Variants in IFT140 observed in about 807,000 individuals in gnomAD.
The protein encoded by IFT140 is intraflagellar transport protein 140 homolog.
A neutral mutation model predicts 164.6 loss-of-function variants in IFT140; 133 were observed. The observed-to-expected ratio is 0.81, with a 90% CI of 0.70 to 0.93. The LOEUF (loss-of-function observed/expected upper bound fraction) is 0.93, where lower values mean the gene tolerates loss of function less well. IFT140 is among the 40% of genes least tolerant of loss of function. The probability of loss-of-function intolerance (pLI) is 0.00; values close to 1 mark genes in which losing one functional copy is unlikely to be tolerated. For missense variants in IFT140, 2,045 were observed against 1,972.3 expected (o/e 1.04, Z -0.70); for synonymous variants, 860 against 817.3 (o/e 1.05, Z -0.89).
At chr16:1,548,054 C>T (rs1478288353) in intron 19 of IFT140, among the ~76,000 whole-genome samples, 1 of 152,210 alleles carries the variant, frequency 6.6e-6, no homozygotes, top group East Asian at 1.9e-4. Context: ...TCTTCTTTCC[C>T]TTCCAACTTT....
chr16:1,534,588 G>T, intron 19 of IFT140: 1 of 1,598,612 alleles, frequency 6.3e-7, no homozygotes, highest in Non-Finnish European at 8.5e-7. Context: ...TGCCTTCAGC[G>T]TGGCCGAGGC....
At chr16:1,586,491 T>C (rs1030891899) in intron 9 of IFT140, among the ~76,000 whole-genome samples, 1 of 152,104 alleles carries the variant, frequency 6.6e-6, no homozygotes, top group South Asian at 2.1e-4. Context: ...CTCTCCCAGC[T>C]TTCCTAGAGG....
intron 19 of IFT140, among the ~76,000 whole-genome samples, chr16:1,544,760 T>C (rs2032006132): frequency 6.6e-6 from 1 of 152,000 alleles, no homozygotes; most frequent in Admixed American, 6.5e-5. Flanking sequence ...GCCATTCTCC[T>C]GCCTCAGCCT....
At chr16:1,566,732 C>A (rs1335052185) in intron 15 of IFT140, among the ~76,000 whole-genome samples, 1 of 152,152 alleles carries the variant, frequency 6.6e-6, no homozygotes, top group Non-Finnish European at 1.5e-5. Flanking sequence ...TGTTCTCCCC[C>A]ATGGCACCTC....
chr16:1,527,347 C>T (rs1192718364), intron 19 of IFT140, among the ~76,000 whole-genome samples: 1 of 152,156 alleles, frequency 6.6e-6, no homozygotes, highest in African/African-American at 2.4e-5. Context: ...GTGACCCAGC[C>T]CACGCAGGGT....
chr16:1,554,823 G>A, intron 19 of IFT140: 1 of 1,614,158 alleles, frequency 6.2e-7, no homozygotes, highest in South Asian at 1.1e-5. Flanking sequence ...CTACAGAATT[G>A]GCCCATACAC....
chr16:1,526,415 A>C (rs2040698265), intron 20 of IFT140: 1 of 615,264 alleles, frequency 1.6e-6, no homozygotes, highest in Non-Finnish European at 2.8e-6. Context: ...ACAGGCACAC[A>C]CCCTGGAGAG....
chr16:1,556,149 G>T (rs189999328), intron 19 of IFT140, among the ~76,000 whole-genome samples: 11 of 152,306 alleles, frequency 7.2e-5, no homozygotes, highest in East Asian at 3.9e-4. Flanking sequence ...TATCTTTAGC[G>T]AAATGCTTGG....
chr16:1,583,696 CA>C (rs1416149280), intron 11 of IFT140, among the ~76,000 whole-genome samples: 37 of 150,370 alleles, frequency 2.5e-4, no homozygotes, highest in South Asian at 1.7e-3. Context: ...GTTTAACTGA[CA>C]TTTTTTTTAA....
At chr16:1,524,081 C>T (rs1209401483) in intron 24 of IFT140, 125 bp from the exon 25 acceptor site, 13 of 1,250,246 alleles carry the variant, frequency 1.0e-5, no homozygotes, top group South Asian at 1.5e-5. Context: ...GCGATCTCTG[C>T]GGTGATGGGT....
intron 19 of IFT140, among the ~76,000 whole-genome samples, chr16:1,557,227 G>A (rs2033144609): frequency 6.6e-6 from 1 of 152,342 alleles, no homozygotes; most frequent in Middle Eastern, 3.4e-3. Context: ...AGCCTGTCCG[G>A]TGCATGTGCA....
In IFT140 at chr16:1,530,133, C is replaced by CTTTTTTTTTTTTTT. The variant is rs922819138; in HGVS notation, c.2400-3351_2400-3338dup. Among the ~76,000 whole-genome samples, 48 of 88,588 alleles carry CTTTTTTTTTTTTTT rather than the reference C, an allele frequency of 5.4e-4. 5 individuals carry two copies. The highest frequency in any genetic ancestry group is 2.2e-3 in the African/African-American group (41 of 18,456). 58.1% of individuals were successfully genotyped at this position (88,588 alleles called of 152,430 possible). On this transcript the variant is annotated intron_variant, in intron 19 of 30. Transcript: ENST00000426508. ...TCCCAAAAGACTTCACGACGGGAATCTTTTTTTTTTTTTTTTTTTTTTTTG... is the reference window on the plus strand; with the variant it reads ...TCCCAAAAGACTTCACGACGGGAATCTTTTTTTTTTTTTTTTTTTTTTTTTTTTTTTTTTTTTTG...
chr16:1,592,831 C>G (rs1468360058), intron 4 of IFT140, among the ~76,000 whole-genome samples: 2 of 148,392 alleles, frequency 1.3e-5, no homozygotes, highest in Non-Finnish European at 3.0e-5. Flanking sequence ...TGAAGGCTGG[C>G]AAGGTACCCT....
At chr16:1,602,218 G>T in intron 4 of IFT140, 152 bp downstream of exon 4, 1 of 721,214 alleles carries the variant, frequency 1.4e-6, no homozygotes, top group Non-Finnish European at 2.3e-6. Flanking sequence ...TTCAAGCCTT[G>T]CTTCCAATAT....
intron 10 of IFT140, among the ~76,000 whole-genome samples, chr16:1,585,085 TAAGA>T (rs2034797235): frequency 1.3e-5 from 2 of 152,208 alleles, no homozygotes; most frequent in Admixed American, 6.5e-5. Flanking sequence ...AGAGAAATCA[TAAGA>T]AAGAACCAAA....
chr16:1,572,177 GGCCACAGGGGCGTTCCT>G (rs1349876042), intron 13 of IFT140, among the ~76,000 whole-genome samples: 4 of 152,224 alleles, frequency 2.6e-5, no homozygotes, highest in African/African-American at 9.6e-5. Context: ...GGTGGGCAGA[GGCCACAGGGGCGTTCCT>G]GCAGGCTGAG....
chr16:1,511,651 C>CA (rs1299270250), intron 30 of IFT140, among the ~76,000 whole-genome samples: 1 of 151,978 alleles, frequency 6.6e-6, no homozygotes, highest in East Asian at 1.9e-4. Context: ...CCCCTCCCAT[C>CA]ACCTGGCAGT....
rs749099710 is a variant in IFT140, at chr16:1,564,089, G to A, written c.1975C>T (p.Arg659Trp). The A allele has an allele frequency of 1.0e-4, 162 of 1,604,230 alleles. 1 individual carries two copies. Among genetic ancestry groups the A allele is most frequent in the South Asian group, 1.2e-4 (11 of 90,598 alleles). The change falls in exon 17 of 31, where the codon CGG becomes TGG. Residue 659 changes from arginine to tryptophan, a missense_variant. Transcript: ENST00000426508. The surrounding 1 kb of genome is among the most constrained non-coding windows in gnomAD (Gnocchi z 5.5). ...TGCACGGCTTCGCATACAAACAGCC[G>A]GGGCTCACTCTGGTCCCAGAAGTGG... is the stretch of plus-strand genomic sequence containing the variant. ...VNHFWDQSEP[R>W]LFVCEAVQET...
chr16:1,589,203 G>C (rs989348906), intron 7 of IFT140, among the ~76,000 whole-genome samples: 1 of 152,216 alleles, frequency 6.6e-6, no homozygotes, highest in Non-Finnish European at 1.5e-5. Flanking sequence ...TGGCCTCCAA[G>C]GAGCAGGGAT....
Sources: gnomAD v4.1 joint callset for allele counts (sites outside exome capture counted in the v4.1 genomes callset) on GRCh38, gnomAD v4.1.1 for gene constraint, Gnocchi (gnomAD v3.1) non-coding constraint, MANE v1.5 for transcripts, NCBI Gene and HGNC (gene_info 2026-07-23, HGNC 2026-07-21) for gene names.